Variants in NPAS4 observed in about 807,000 individuals in gnomAD.
The protein encoded by NPAS4 is neuronal PAS domain-containing protein 4.
Under a neutral mutation model 64.0 loss-of-function variants are expected in NPAS4, and 10 were observed. The ratio of observed to expected loss-of-function variants is 0.16; its 90% CI spans 0.10 to 0.26. The LOEUF is 0.26. NPAS4 is among the 10% of genes least tolerant of loss of function. NPAS4 has a pLI of 1.00. For synonymous variants in NPAS4, 441 were observed against 411.7 expected, an observed-to-expected ratio of 1.07 and a Z score of -0.86; for missense variants, 886 against 992.6, an observed-to-expected ratio of 0.89 and a Z score of 1.44.
At chr11:66,422,589 C>T in intron 3 of NPAS4, 36 bp downstream of exon 3, 1 of 1,600,642 alleles carries the variant, frequency 6.2e-7, no homozygotes, top group Non-Finnish European at 8.6e-7. Flanking sequence ...GGTCCAATTT[C>T]CCACCTGCTG....
At chr11:66,411,194 G>A in the NPAS4 span, among the ~76,000 whole-genome samples, 28 of 152,352 alleles carry the variant, frequency 1.8e-4, no homozygotes, top group African/African-American at 6.7e-4. Context: ...ATCCCTACCT[G>A]AAACTGGGGC....
chr11:66,414,901 GA>G, the NPAS4 span, among the ~76,000 whole-genome samples: 1 of 152,202 alleles, frequency 6.6e-6, no homozygotes, highest in Admixed American at 6.5e-5. Flanking sequence ...TTCAATTGTG[GA>G]TTTATCTCAT....
At chr11:66,418,386 C>T (rs1471707374), upstream of NPAS4, among the ~76,000 whole-genome samples, 1 of 152,150 alleles carries the variant, frequency 6.6e-6, no homozygotes, top group African/African-American at 2.4e-5. Context: ...ATTTCGGAAC[C>T]GTCACTGGTG....
upstream of NPAS4, among the ~76,000 whole-genome samples, chr11:66,418,505 G>T (rs1590691172): frequency 6.6e-6 from 1 of 152,090 alleles, no homozygotes; most frequent in Non-Finnish European, 1.5e-5. Flanking sequence ...GTGGGAGCTG[G>T]CCTAGGGAGA....
chr11:66,423,479 T>C (rs1014571481), intron 5 of NPAS4, 99 bp from the exon 6 acceptor site: 3 of 1,407,780 alleles, frequency 2.1e-6, no homozygotes, highest in Non-Finnish European at 3.0e-6. Flanking sequence ...GAAGAGAGGA[T>C]GTCACGGCTA....
At chr11:66,425,862 T>C in intron 7 of NPAS4, 99 bp from the exon 8 acceptor site, 1 of 900,200 alleles carries the variant, frequency 1.1e-6, no homozygotes, top group Non-Finnish European at 1.9e-6. Context: ...TGAGCCAATA[T>C]CTTTGAAGCC....
At position 66,425,206 on chromosome 11, in the gene NPAS4, CT is replaced by C. The variant is rs953905740; in HGVS notation, c.2317del (p.Tyr773MetfsTer32). On this transcript the variant is annotated frameshift_variant, in exon 7 of 8. Transcript: ENST00000311034. LOFTEE classifies it high-confidence loss of function. ...TTGAGACAGGTGTCTCAGCATTCCC[CT>C]ATGATGGGTTTACTGATGAGTTGCA... ...AFETGVSAFP[Y>X]DGFTDELHQL... 6.4e-7 allele frequency: 1 copy of C among 1,556,692 alleles called. No individual in the cohort carries two copies. The highest frequency in any genetic ancestry group is 1.3e-5 in the South Asian group (1 of 79,664).
the NPAS4 span, among the ~76,000 whole-genome samples, chr11:66,414,737 TG>T: frequency 5.9e-5 from 9 of 152,318 alleles, no homozygotes; most frequent in African/African-American, 1.9e-4. Flanking sequence ...CAGCTCTGCG[TG>T]GGTTTCCTAT....
the NPAS4 span, among the ~76,000 whole-genome samples, chr11:66,413,583 A>C: frequency 1.3e-5 from 2 of 152,296 alleles, no homozygotes; most frequent in South Asian, 4.2e-4. Context: ...CTTTTGCTGC[A>C]TGTCCCTGTT....
In NPAS4 at chr11:66,426,126, T is replaced by C. The variant is rs1856835485; in HGVS notation, c.*137T>C. ...ATATGATTCCCCAGGCCCTGCAGGA[T>C]TTTGGGGGGGGGGAGGTGGGAGGGC... On this transcript the variant is annotated 3_prime_UTR_variant, in exon 8 of 8. Coordinates refer to ENST00000311034, the MANE Select transcript of NPAS4 (RefSeq NM_178864.4). 1 of 476,750 alleles carries C rather than the reference T, an allele frequency of 2.1e-6. No homozygotes were observed. Among genetic ancestry groups the C allele is most frequent in the Non-Finnish European group, 3.9e-6 (1 of 254,730 alleles). 29.5% of individuals were successfully genotyped at this position (476,750 alleles called of 1,614,324 possible).
At chr11:66,410,982 C>T in the NPAS4 span, 1 of 152,444 alleles carries the variant, frequency 6.6e-6, no homozygotes, top group African/African-American at 2.4e-5. Context: ...TGGTGAGTCC[C>T]CTGGTGTACC....
chr11:66,426,000 G>A lies in NPAS4; in HGVS notation c.*11G>A. On this transcript the variant is annotated 3_prime_UTR_variant, in exon 8 of 8. Transcript: ENST00000311034. ...GAACCAACGTTTTGAATAAGTCTGT[G>A]ACTTAACGTCGTCAAGTATGGCATA... is the stretch of plus-strand genomic sequence containing the variant. The A allele has an allele frequency of 6.2e-7, 1 of 1,607,668 alleles. No homozygotes were observed. Among genetic ancestry groups the A allele is most frequent in the Non-Finnish European group, 8.5e-7 (1 of 1,174,254 alleles).
Position 66,424,000 on chromosome 11 carries a change from C to T in NPAS4, c.1110C>T (p.Pro370=), listed in dbSNP as rs1408117648. The part of the protein sequence containing the change: ...NPLFTAALGA[P]RSTSFPSAPE... ...TCTTCACCGCAGCACTGGGGGCTCC[C>T]AGAAGCACCAGCTTCCCCAGTGCTC... is the stretch of plus-strand genomic sequence containing the variant. The change falls in exon 7 of 8, where the codon CCC becomes CCT. Residue 370 remains proline, a synonymous_variant. Coordinates refer to ENST00000311034, the MANE Select transcript of NPAS4 (RefSeq NM_178864.4). The T allele has an allele frequency of 1.1e-5, 17 of 1,614,134 alleles. No homozygotes were observed. The highest frequency in any genetic ancestry group is 1.4e-5 in the Non-Finnish European group (17 of 1,180,016).
rs774203639 is a variant in NPAS4, at chr11:66,424,896, A to G, written c.2006A>G (p.Asp669Gly). The change falls in exon 7 of 8, where the codon GAC (aspartate) becomes GGC (glycine). Residue 669 changes from aspartate to glycine, a missense_variant. Physicochemically the swap from Asp to Gly is moderately conservative, Grantham distance 94 (BLOSUM62 -1). Transcript: ENST00000311034. ...CCACTTGGAGGACTGGAGCCCCTGG[A>G]CTCCAACCTGTCCCTGTCAGGGGCA... ...LEPLGGLEPL[D>G]SNLSLSGAGP... 1.2e-5 allele frequency: 20 copies of G among 1,613,274 alleles called. No homozygotes were observed. The highest frequency in any genetic ancestry group is 8.8e-5 in the South Asian group (8 of 91,018).
chr11:66,420,037 T>C (rs547053108), upstream of NPAS4, among the ~76,000 whole-genome samples: 17 of 152,180 alleles, frequency 1.1e-4, no homozygotes, highest in Non-Finnish European at 2.1e-4. Flanking sequence ...AGGATTCCTG[T>C]CCTAATATGG....
At chr11:66,419,697 TG>T (rs879644421), upstream of NPAS4, among the ~76,000 whole-genome samples, 6 of 64,982 alleles carry the variant, frequency 9.2e-5, no homozygotes, top group Non-Finnish European at 1.8e-4. Context: ...AGCGGGTGTG[TG>T]GGGGGGTGGG....
upstream of NPAS4, among the ~76,000 whole-genome samples, chr11:66,419,544 C>T (rs985597800): frequency 5.3e-5 from 8 of 152,124 alleles, no homozygotes; most frequent in African/African-American, 1.2e-4. Flanking sequence ...TGATTCCATG[C>T]GCACACAGCT....
the NPAS4 span, among the ~76,000 whole-genome samples, chr11:66,415,653 A>G: frequency 1.3e-5 from 2 of 152,226 alleles, 1 homozygote; most frequent in African/African-American, 4.8e-5. Flanking sequence ...ATGTGGCTAG[A>G]TTTGCAGTCC....
In NPAS4 at chr11:66,423,813, C is replaced by G. The variant is rs371594691; in HGVS notation, c.945-22C>G. The G allele has an allele frequency of 8.7e-6, 14 of 1,600,182 alleles. No homozygotes were observed. The South Asian group carries it at 1.6e-4, about 18-fold the overall frequency. ...GATATGGACGTCGGACCCTTACCAG[C>G]TGCCTCTTCTCTCCTCTCCAGTGAC... On this transcript the variant is annotated intron_variant, in intron 6 of 7. Transcript: ENST00000311034.
Sources: allele counts gnomAD v4.1 joint callset (sites outside exome capture counted in the v4.1 genomes callset), GRCh38; gene constraint gnomAD v4.1.1; transcripts MANE v1.5; gene names NCBI Gene and HGNC (gene_info 2026-07-23, HGNC 2026-07-21).